MYLK4: variants seen among roughly 807,000 people sequenced by gnomAD.
The protein encoded by MYLK4 is myosin light chain kinase family member 4, also known as caMLCK like.
MYLK4 carries 46 observed loss-of-function variants against 48.1 expected under a neutral mutation model. The observed-to-expected ratio is 0.96, with a 90% CI of 0.75 to 1.22. MYLK4 has a LOEUF of 1.22. Ranked by LOEUF, MYLK4 falls within the 50% of genes most tolerant of loss-of-function variation. The pLI is 0.00. For synonymous variants in MYLK4, 170 were observed against 180.8 expected, an observed-to-expected ratio of 0.94 and a Z score of 0.48; for missense variants, 451 against 486.1, an observed-to-expected ratio of 0.93 and a Z score of 0.68.
At chr6:2,701,389 C>T (rs1762273934) in intron 2 of MYLK4, among the ~76,000 whole-genome samples, 1 of 152,176 alleles carries the variant, frequency 6.6e-6, no homozygotes, top group South Asian at 2.1e-4. Context: ...CTCAGAGGGG[C>T]TTGGTGTTTC....
chr6:2,723,464 G>A (rs1351899463), intron 2 of MYLK4, among the ~76,000 whole-genome samples: 1 of 152,182 alleles, frequency 6.6e-6, no homozygotes, highest in African/African-American at 2.4e-5. Context: ...TCAAATATTG[G>A]GGAATAAAAC....
intron 8 of MYLK4, 47 bp downstream of exon 8, chr6:2,680,174 T>C (rs922855165): frequency 3.1e-6 from 5 of 1,597,640 alleles, no homozygotes; most frequent in South Asian, 1.1e-5. Flanking sequence ...AGGGCAACCA[T>C]CATGTCCCCC....
chr6:2,680,136 A>G, intron 8 of MYLK4, 85 bp downstream of exon 8: 1 of 1,425,020 alleles, frequency 7.0e-7, no homozygotes, highest in Non-Finnish European at 9.6e-7. Flanking sequence ...GAAACCAAAG[A>G]GCAGATCAGA....
intron 6 of MYLK4, 46 bp from the exon 7 acceptor site, chr6:2,683,208 C>T (rs747711839): frequency 1.2e-6 from 2 of 1,608,048 alleles, no homozygotes; most frequent in African/African-American, 2.7e-5. Flanking sequence ...ATTTCCTTAC[C>T]ACCATGTGCT....
intron 6 of MYLK4, among the ~76,000 whole-genome samples, chr6:2,684,881 G>C (rs1256019973): frequency 2.6e-5 from 4 of 152,008 alleles, no homozygotes; most frequent in Admixed American, 1.3e-4. Context: ...TAACTAACCA[G>C]TCCTTATGTT....
At chr6:2,686,004 G>A (rs1369802734) in intron 4 of MYLK4, among the ~76,000 whole-genome samples, 1 of 150,950 alleles carries the variant, frequency 6.6e-6, no homozygotes, top group Non-Finnish European at 1.5e-5. Flanking sequence ...GGAGGCGGAG[G>A]TTGCAGTGGG....
rs541722405 is a variant in MYLK4 at position 2,675,126 on chromosome 6, C to G, written c.1041-1G>C. On this transcript the variant is annotated splice_acceptor_variant, in intron 10 of 12. Coordinates refer to ENST00000274643, the MANE Select transcript of MYLK4 (RefSeq NM_001012418.5). LOFTEE classifies it high-confidence loss of function. ...AGCTTCGCTTGCACTTATTCGCCAA[C>G]TAGAAGGAAATTCAGAAGGTGATTA... 1 of 1,612,718 alleles carries G rather than the reference C, an allele frequency of 6.2e-7. No homozygotes were observed. Among genetic ancestry groups the G allele is most frequent in the African/African-American group, 1.3e-5 (1 of 74,998 alleles).
intron 2 of MYLK4, among the ~76,000 whole-genome samples, chr6:2,695,445 C>A (rs1272034893): frequency 2.0e-5 from 3 of 152,244 alleles, no homozygotes; most frequent in African/African-American, 7.2e-5. Context: ...AGTCCACATG[C>A]TAACCCAATA....
chr6:2,679,441 C>T (rs749698252), intron 8 of MYLK4, 33 bp from the exon 9 acceptor site: 43 of 1,613,728 alleles, frequency 2.7e-5, no homozygotes, highest in Admixed American at 1.2e-4. Context: ...GAAGGATGGA[C>T]GTGTCGATCA....
At chr6:2,671,425 GAC>G in intron 11 of MYLK4, 77 bp from the exon 12 acceptor site, 1 of 1,344,430 alleles carries the variant, frequency 7.4e-7, no homozygotes, top group Non-Finnish European at 1.1e-6. Context: ...CACATGAAAA[GAC>G]AATCACTTGC....
chr6:2,752,017 C>T (rs1431024977), upstream of MYLK4, among the ~76,000 whole-genome samples: 1 of 152,130 alleles, frequency 6.6e-6, no homozygotes, highest in Non-Finnish European at 1.5e-5. Flanking sequence ...TGTAGAAGTA[C>T]TGATAAGGCA....
the MYLK4 span, chr6:2,766,317 G>A: frequency 1.2e-6 from 2 of 1,610,472 alleles, no homozygotes; most frequent in Non-Finnish European, 1.7e-6. Context: ...GACACGATGC[G>A]TCCTGACACG....
chr6:2,665,404 G>A lies in MYLK4; in HGVS notation c.*2521C>T, dbSNP rs1051467379. The stretch of plus-strand genomic sequence containing the variant: ...ACTACCCTCAGCACTCATATAAAAG[G>A]CACCCTGCTGGCATGGAGATGCCTT... On this transcript the variant is annotated 3_prime_UTR_variant, in exon 13 of 13. Transcript: ENST00000274643. 2 of 152,200 alleles carry A rather than the reference G, an allele frequency of 1.3e-5. No individual in the cohort carries two copies. Among genetic ancestry groups the A allele is most frequent in the African/African-American group, 4.8e-5 (2 of 41,432 alleles). 9.4% of individuals were successfully genotyped at this position (152,200 alleles called of 1,614,324 possible).
At chr6:2,736,455 C>T (rs936350206) in intron 2 of MYLK4, among the ~76,000 whole-genome samples, 3 of 152,200 alleles carry the variant, frequency 2.0e-5, no homozygotes, top group South Asian at 2.1e-4. Flanking sequence ...GCCTTTAACA[C>T]TCTAACCTGC....
chr6:2,743,588 T>C (rs1414932214), intron 2 of MYLK4, among the ~76,000 whole-genome samples: 1 of 152,226 alleles, frequency 6.6e-6, no homozygotes, highest in African/African-American at 2.4e-5. Flanking sequence ...TTTATTTTCT[T>C]TTCATAAGTC....
chr6:2,747,582 T>C (rs950105859), intron 2 of MYLK4, among the ~76,000 whole-genome samples: 1 of 152,264 alleles, frequency 6.6e-6, no homozygotes, highest in African/African-American at 2.4e-5. Flanking sequence ...CTCAAACTCC[T>C]GGCCTCCAGT....
chr6:2,681,058 C>G (rs997302178), intron 7 of MYLK4, among the ~76,000 whole-genome samples: 1 of 152,102 alleles, frequency 6.6e-6, no homozygotes, highest in South Asian at 2.1e-4. Context: ...AAACAGAGGT[C>G]TTGGGAAAGT....
chr6:2,725,531 GAAAC>G (rs1763227722), intron 2 of MYLK4, among the ~76,000 whole-genome samples: 1 of 135,176 alleles, frequency 7.4e-6, no homozygotes, highest in South Asian at 2.3e-4. Flanking sequence ...GAGAGAAAAA[GAAAC>G]AAAGAAAGAA....
the MYLK4 span, chr6:2,766,218 C>T: frequency 1.8e-5 from 27 of 1,484,768 alleles, no homozygotes; most frequent in Non-Finnish European, 2.3e-5. Context: ...GCCGCCACCG[C>T]CTTCGGGGCC....
Sources: gnomAD v4.1 joint callset for allele counts (sites outside exome capture counted in the v4.1 genomes callset) on GRCh38, gnomAD v4.1.1 for gene constraint, MANE v1.5 for transcripts, NCBI Gene and HGNC (gene_info 2026-07-23, HGNC 2026-07-21) for gene names.